Variants in CES3 observed in about 807,000 individuals in gnomAD.
CES3 encodes carboxylesterase 3.
A neutral mutation model predicts 57.6 loss-of-function variants in CES3; 49 were observed. The ratio of observed to expected loss-of-function variants is 0.85; its 90% CI spans 0.68 to 1.08. The LOEUF is 1.08. Ranked by LOEUF, CES3 falls within the 50% of genes least tolerant of loss-of-function variation. CES3 has a pLI of 0.00. For synonymous variants in CES3, 266 were observed against 281.6 expected (o/e 0.94, Z 0.55); for missense variants, 645 against 742.0 (o/e 0.87, Z 1.52).
At chr16:66,971,620 T>A (rs1043105855) in intron 10 of CES3, among the ~76,000 whole-genome samples, 7 of 152,146 alleles carry the variant, frequency 4.6e-5, no homozygotes, top group Non-Finnish European at 1.0e-4. Flanking sequence ...GGTGATTTCA[T>A]CCTCTTTCAG....
At position 66,969,671 on chromosome 16, in the gene CES3, C is replaced by T. The variant is rs769806609; in HGVS notation, c.1063-8C>T. The T allele has an allele frequency of 1.9e-6, 3 of 1,612,022 alleles. No individual in the cohort carries two copies. The African/African-American group carries it at 4.0e-5, about 22-fold the overall frequency. ...GGCTCCACTGAGAGGGCCTTGGTGT[C>T]CACACAGGGCTGGGGTCTCCTGGAT... On this transcript the variant is annotated splice_polypyrimidine_tract_variant and splice_region_variant and intron_variant, in intron 8 of 12. Transcript: ENST00000303334.
intron 10 of CES3, among the ~76,000 whole-genome samples, chr16:66,971,922 GC>G (rs1161069485): frequency 7.9e-5 from 12 of 152,088 alleles, no homozygotes; most frequent in African/African-American, 2.9e-4. Flanking sequence ...GATCGCTTGA[GC>G]CCAGGAGTTC....
In CES3 at chr16:66,969,706, C is replaced by T. The variant is rs767729017; in HGVS notation, c.1090C>T (p.Gln364Ter). The T allele has an allele frequency of 1.1e-5, 17 of 1,613,306 alleles. No homozygotes were observed. The highest frequency in any genetic ancestry group is 1.3e-5 in the Non-Finnish European group (15 of 1,179,768). Residue 364 changes from glutamine (Q) to a stop codon, truncating the protein, a stop_gained, in exon 9 of 13, where the codon CAG becomes TAG. Coordinates refer to ENST00000303334, the MANE Select transcript of CES3 (RefSeq NM_024922.6). LOFTEE classifies it high-confidence loss of function. ...RGWGLLDTME[Q>*]MSREDMLAIS... is the part of the protein sequence containing the mutation. ...CTGGGGTCTCCTGGATACAATGGAG[C>T]AGATGAGCCGGGAGGACATGCTGGC...
rs1963867583 is a variant in CES3, at chr16:66,972,953, G to A, written c.1620G>A (p.Arg540=). 6.2e-7 allele frequency: 1 copy of A among 1,614,130 alleles called. No individual in the cohort carries two copies. The highest frequency in any genetic ancestry group is 8.5e-7 in the Non-Finnish European group (1 of 1,180,034). ...NPVPRAGQKF[R]EAWMQFWSET... is the part of the protein sequence containing the mutation. Reference sequence around the variant, plus strand: ...TGCCACGGGCCGGACAGAAGTTCAGGGAGGCCTGGATGCAGTTCTGGTCAG... The same window carrying A: ...TGCCACGGGCCGGACAGAAGTTCAGAGAGGCCTGGATGCAGTTCTGGTCAG... The change falls in exon 13 of 13, where the codon AGG becomes AGA. Residue 540 remains arginine (R), a synonymous_variant. Transcript: ENST00000303334.
chr16:66,963,210 C>T lies in CES3; in HGVS notation c.114C>T (p.Thr38=). Residue 38 remains threonine, a synonymous_variant, in exon 2 of 13, where the codon ACC becomes ACT. Coordinates refer to ENST00000303334, the MANE Select transcript of CES3 (RefSeq NM_024922.6). This position sits in a 1 kb window ranked among gnomAD's most constrained non-coding sequence, Gnocchi z 4.9. ...AAGTTGCTCAGCCTGAAGTAGACAC[C>T]ACCCTGGGTCGTGTGCGAGGCCGGC... is the stretch of plus-strand genomic sequence containing the variant. The part of the protein sequence containing the change: ...GPEVAQPEVD[T]TLGRVRGRQV... 6.2e-7 allele frequency: 1 copy of T among 1,614,252 alleles called. No individual in the cohort carries two copies. Among genetic ancestry groups the T allele is most frequent in the South Asian group, 1.1e-5 (1 of 91,088 alleles).
chr16:66,962,985 G>C (rs1213785695), intron 1 of CES3, 194 bp from the exon 2 acceptor site: 6 of 710,966 alleles, frequency 8.4e-6, no homozygotes, highest in East Asian at 2.7e-5. Flanking sequence ...GCCTGGAGTG[G>C]AGTGGTAGTG....
intron 12 of CES3, 30 bp from the exon 13 acceptor site, chr16:66,972,824 C>A (rs1963863092): frequency 6.2e-7 from 1 of 1,613,736 alleles, no homozygotes; most frequent in Admixed American, 1.7e-5. Flanking sequence ...GCACAGGAAG[C>A]CTTGGTCCTC....
In CES3 at chr16:66,966,608, C is replaced by T. The variant is rs1171753327; in HGVS notation, c.922-117C>T. 3.0e-6 allele frequency: 4 copies of T among 1,321,116 alleles called. No homozygotes were observed. The African/African-American group carries it at 4.4e-5, about 14-fold the overall frequency. 81.8% of individuals were successfully genotyped at this position (1,321,116 alleles called of 1,614,324 possible). On this transcript the variant is annotated intron_variant, in intron 7 of 12. Coordinates refer to ENST00000303334, the MANE Select transcript of CES3 (RefSeq NM_024922.6). ...CCCCCTTAACCCTGGTGATCTTCATCCCTTCACTTTCCCTCCAGGCTCAGA... is the reference window on the plus strand; with the variant it reads ...CCCCCTTAACCCTGGTGATCTTCATTCCTTCACTTTCCCTCCAGGCTCAGA...
At chr16:66,967,688 T>G (rs1337992795) in intron 8 of CES3, 1 of 712,764 alleles carries the variant, frequency 1.4e-6, no homozygotes, top group Non-Finnish European at 1.7e-6. Context: ...CACTTTTCTT[T>G]TTTTTTTTTT....
In CES3 at chr16:66,963,323, C is replaced by A. The variant is rs1309416810; in HGVS notation, c.227C>A (p.Ser76Ter). ...CCGCCACTGGGCCCTGACCGGTTCT[C>A]AGCCCCACACCCAGCACAGCCCTGG... The part of the protein sequence containing the change: ...AQPPLGPDRF[S>*]APHPAQPWEG... The change falls in exon 2 of 13, where the codon TCA becomes TAA. Residue 76 changes from serine (S) to a stop codon, truncating the protein, a stop_gained. Transcript: ENST00000303334. LOFTEE classifies it high-confidence loss of function. This position sits in a 1 kb window ranked among gnomAD's most constrained non-coding sequence, Gnocchi z 4.9. 1.2e-6 allele frequency: 2 copies of A among 1,613,634 alleles called. No homozygotes were observed. The highest frequency in any genetic ancestry group is 3.3e-5 in the Admixed American group (2 of 60,010).
At chr16:66,965,230 G>A (rs1015262243) in intron 6 of CES3, among the ~76,000 whole-genome samples, 2 of 152,254 alleles carry the variant, frequency 1.3e-5, no homozygotes, top group Non-Finnish European at 2.9e-5. Context: ...GAAGGTGCTG[G>A]AGAAGTGGGG....
Position 66,973,196 on chromosome 16 carries a change from CTT to C in CES3, c.*150_*151del. ...GCCGCTCTGTGACTGGAGTTATGCTCTTTTGAAATGTCACAAGGCCGCCTCCC... is the reference window on the plus strand; with the variant it reads ...GCCGCTCTGTGACTGGAGTTATGCTCTTGAAATGTCACAAGGCCGCCTCCC... On this transcript the variant is annotated 3_prime_UTR_variant, in exon 13 of 13. Transcript: ENST00000303334. 1 of 712,260 alleles carries C rather than the reference CTT, an allele frequency of 1.4e-6. No individual in the cohort carries two copies. The highest frequency in any genetic ancestry group is 2.3e-6 in the Non-Finnish European group (1 of 432,386). 44.1% of individuals were successfully genotyped at this position (712,260 alleles called of 1,614,324 possible). A position where few individuals can be genotyped will look rare whatever the true frequency, so the allele number is the denominator to read the frequency against.
At chr16:66,966,572 G>C in intron 7 of CES3, 153 bp from the exon 8 acceptor site, 1 of 1,004,604 alleles carries the variant, frequency 1.0e-6, no homozygotes, top group South Asian at 1.6e-5. Flanking sequence ...CTGATCTCCT[G>C]GTTCCCCCGA....
chr16:66,971,361 G>A, intron 10 of CES3, 42 bp downstream of exon 10: 1 of 1,594,550 alleles, frequency 6.3e-7, no homozygotes, highest in Non-Finnish European at 8.6e-7. Context: ...CTCCCACTTG[G>A]GCCCAGGAGC....
intron 11 of CES3, 36 bp from the exon 12 acceptor site, chr16:66,972,632 G>A: frequency 6.2e-7 from 1 of 1,613,936 alleles, no homozygotes; most frequent in South Asian, 1.1e-5. Context: ...GGTCCCACCT[G>A]ACTCTCGTTC....
At position 66,971,242 on chromosome 16, in the gene CES3, A is replaced by C. The variant is rs1242849076; in HGVS notation, c.1214A>C (p.Lys405Thr). The change falls in exon 10 of 13, where the codon AAA (lysine) becomes ACA (threonine). Residue 405 changes from lysine to threonine, a missense_variant. Lys to Thr is a moderately conservative substitution (Grantham distance 78). Transcript: ENST00000303334. ...GGAAGCAACTCGGACGCACAAGCCA[A>C]ATGCCAGGCGTTCCAGGAATTCATG... Reference protein sequence around the residue: ...YLGSNSDAQAKCQAFQEFMGD... With the variant: ...YLGSNSDAQATCQAFQEFMGD... The C allele has an allele frequency of 6.2e-7, 1 of 1,613,978 alleles. No individual in the cohort carries two copies. The highest frequency in any genetic ancestry group is 2.2e-5 in the East Asian group (1 of 44,890).
intron 8 of CES3, among the ~76,000 whole-genome samples, chr16:66,969,273 G>A (rs975408718): frequency 1.3e-5 from 2 of 152,096 alleles, no homozygotes; most frequent in Non-Finnish European, 2.9e-5. Context: ...AGGCACGGTG[G>A]TGCACGTCTG....
Position 66,963,567 on chromosome 16 carries a change from G to C in CES3, c.364G>C (p.Glu122Gln), listed in dbSNP as rs766508617. ...NGKQQIFSVS[E>Q]DCLVLNVYSP... ...AAAACAGCAGATCTTCTCCGTTTCA[G>C]AGGACTGCCTGGTCCTCAACGTCTA... The change falls in exon 3 of 13, where the codon GAG becomes CAG. Residue 122 changes from glutamate (E) to glutamine (Q), a missense_variant. Coordinates refer to ENST00000303334, the MANE Select transcript of CES3 (RefSeq NM_024922.6). This position sits in a 1 kb window ranked among gnomAD's most constrained non-coding sequence, Gnocchi z 4.9. 7.4e-6 allele frequency: 12 copies of C among 1,614,120 alleles called. No homozygotes were observed. Among genetic ancestry groups the C allele is most frequent in the Admixed American group, 1.7e-5 (1 of 60,010 alleles).
Position 66,963,735 on chromosome 16 carries a change from G to A in CES3, c.427-67G>A. ...CACCCTAGCGGTCCTGAGACTGCCT[G>A]GGCTGGCAGGTGGGCAGCTAAGGTC... On this transcript the variant is annotated intron_variant, in intron 3 of 12. Coordinates refer to ENST00000303334, the MANE Select transcript of CES3 (RefSeq NM_024922.6). This position sits in a 1 kb window ranked among gnomAD's most constrained non-coding sequence, Gnocchi z 4.9. 6.2e-7 allele frequency: 1 copy of A among 1,609,410 alleles called. No homozygotes were observed. Among genetic ancestry groups the A allele is most frequent in the Non-Finnish European group, 8.5e-7 (1 of 1,176,320 alleles).
Sources: allele counts gnomAD v4.1 joint callset (sites outside exome capture counted in the v4.1 genomes callset), GRCh38; gene constraint gnomAD v4.1.1; non-coding constraint Gnocchi (gnomAD v3.1); transcripts MANE v1.5; gene names NCBI Gene and HGNC (gene_info 2026-07-23, HGNC 2026-07-21).